The following ACTR5 variants were observed in gnomAD, a reference collection of about 807,000 sequenced individuals.
ACTR5 encodes the protein actin related protein 5.
A neutral mutation model predicts 61.2 loss-of-function variants in ACTR5; 43 were observed. The ratio of observed to expected loss-of-function variants is 0.70; its 90% CI spans 0.55 to 0.91. The LOEUF (loss-of-function observed/expected upper bound fraction) is 0.91, where lower values mean the gene tolerates loss of function less well. Ranked by LOEUF, ACTR5 falls within the 40% of genes least tolerant of loss-of-function variation. The pLI, the probability that ACTR5 is intolerant of heterozygous loss-of-function variation, is 0.00. For missense variants in ACTR5, 798 were observed against 782.2 expected (o/e 1.02, Z -0.24); for synonymous variants, 333 against 310.5 (o/e 1.07, Z -0.76).
chr20:38,764,027 G>T (rs988302813), intron 5 of ACTR5, among the ~76,000 whole-genome samples: 11 of 152,144 alleles, frequency 7.2e-5, no homozygotes, highest in Admixed American at 3.3e-4. Context: ...CACCCATCTT[G>T]CATGCCATAT....
chr20:38,749,244 G>A (rs1472374379), intron 1 of ACTR5, among the ~76,000 whole-genome samples: 2 of 152,188 alleles, frequency 1.3e-5, no homozygotes, highest in African/African-American at 2.4e-5. Flanking sequence ...TAGATTCTAC[G>A]CCGTGATAGG....
At chr20:38,756,229 G>A (rs928073210) in intron 5 of ACTR5, among the ~76,000 whole-genome samples, 190 bp downstream of exon 5, 2 of 152,172 alleles carry the variant, frequency 1.3e-5, no homozygotes, top group African/African-American at 2.4e-5. Context: ...GTAGATCCCC[G>A]GACCCCTGAG....
intron 7 of ACTR5, 70 bp from the exon 8 acceptor site, chr20:38,767,394 C>A (rs1199187876): frequency 3.7e-6 from 5 of 1,347,254 alleles, no homozygotes; most frequent in Non-Finnish European, 5.0e-6. Flanking sequence ...TGAGAGCTTA[C>A]ATTTCTGCAT....
intron 6 of ACTR5, among the ~76,000 whole-genome samples, chr20:38,765,773 T>C (rs779486882): frequency 9.2e-5 from 14 of 152,232 alleles, no homozygotes; most frequent in Non-Finnish European, 1.9e-4. Flanking sequence ...ACTTGAGATC[T>C]GAATACTGGC....
At chr20:38,759,193 T>C (rs1039373962) in intron 5 of ACTR5, among the ~76,000 whole-genome samples, 18 of 152,236 alleles carry the variant, frequency 1.2e-4, no homozygotes, top group African/African-American at 4.3e-4. Context: ...CCGGCTTTAC[T>C]AGCCAAGATC....
At chr20:38,769,839 G>A (rs973915496) in intron 8 of ACTR5, among the ~76,000 whole-genome samples, 41 of 152,204 alleles carry the variant, frequency 2.7e-4, no homozygotes, top group African/African-American at 9.2e-4. Flanking sequence ...TGGAGGAAGA[G>A]GAGTGGGGAG....
chr20:38,762,206 C>A (rs1450701720), intron 5 of ACTR5, among the ~76,000 whole-genome samples: 1 of 152,138 alleles, frequency 6.6e-6, no homozygotes, highest in Non-Finnish European at 1.5e-5. Context: ...GCTGGGAGGA[C>A]TCAAGGTCTG....
At chr20:38,750,606 G>GT (rs11478491) in intron 2 of ACTR5, among the ~76,000 whole-genome samples, 12 of 140,412 alleles carry the variant, frequency 8.5e-5, no homozygotes, top group African/African-American at 3.2e-4. Context: ...AGTTTTTTTT[G>GT]TTTTTTTTTT....
At chr20:38,748,934 A>G in intron 1 of ACTR5, 81 bp downstream of exon 1, 2 of 1,497,376 alleles carry the variant, frequency 1.3e-6, no homozygotes, top group Non-Finnish European at 1.8e-6. Flanking sequence ...GCTCTCGGAG[A>G]GGTAACAGTC....
chr20:38,768,992 G>A (rs1471737189), intron 8 of ACTR5, among the ~76,000 whole-genome samples: 2 of 152,168 alleles, frequency 1.3e-5, no homozygotes, highest in Non-Finnish European at 2.9e-5. Flanking sequence ...CAGCTTCCCA[G>A]CCTCTAGGAG....
rs760472700 is a variant in ACTR5 at position 38,754,917 on chromosome 20, G to T, written c.776-40G>T. The stretch of plus-strand genomic sequence containing the variant: ...ATTGACTTTAATTGTTGTGTTAATA[G>T]TGTTTCCATTTCATAACTTTCAAAA... On this transcript the variant is annotated intron_variant, in intron 3 of 8. Coordinates refer to ENST00000243903, the MANE Select transcript of ACTR5 (RefSeq NM_024855.4). 3.1e-6 allele frequency: 5 copies of T among 1,600,564 alleles called. No individual in the cohort carries two copies. In the South Asian group the frequency reaches 5.5e-5, roughly 18 times the overall value.
intron 5 of ACTR5, 59 bp downstream of exon 5, chr20:38,756,098 C>T (rs971002673): frequency 8.4e-5 from 127 of 1,511,640 alleles, no homozygotes; most frequent in Admixed American, 2.3e-5. Context: ...CCTGAGAGGC[C>T]TGACATCAAA....
chr20:38,763,658 T>G (rs2084468211), intron 5 of ACTR5, among the ~76,000 whole-genome samples: 1 of 152,258 alleles, frequency 6.6e-6, no homozygotes, highest in Non-Finnish European at 1.5e-5. Flanking sequence ...ACTAGTGTGA[T>G]GTGATCTTGG....
intron 2 of ACTR5, among the ~76,000 whole-genome samples, chr20:38,750,496 C>T (rs1357892995): frequency 1.3e-5 from 2 of 152,144 alleles, no homozygotes; most frequent in African/African-American, 4.8e-5. Flanking sequence ...TATTATAATT[C>T]TGACATAATG....
chr20:38,769,594 C>T (rs920775626), intron 8 of ACTR5, among the ~76,000 whole-genome samples: 2 of 152,052 alleles, frequency 1.3e-5, no homozygotes, highest in Non-Finnish European at 2.9e-5. Context: ...TAGTACGTTC[C>T]ATTTCCAGGG....
chr20:38,762,971 T>A (rs2084463716), intron 5 of ACTR5, among the ~76,000 whole-genome samples: 1 of 152,182 alleles, frequency 6.6e-6, no homozygotes, highest in Non-Finnish European at 1.5e-5. Context: ...GAGTGTGTGT[T>A]TAAAAGGGAA....
At position 38,771,677 on chromosome 20, in the gene ACTR5, G is replaced by A. The variant is rs1487873270; in HGVS notation, c.1685G>A (p.Gly562Glu). ...AGGAAAGAGTATGAAGAAAAGGGAG[G>A]AGAGTACCTCAAGGAGCACTGTGCT... ...ITRKEYEEKG[G>E]EYLKEHCASN... Residue 562 changes from glycine to glutamate, a missense_variant, in exon 9 of 9, where the codon GGA (glycine) becomes GAA (glutamate). Transcript: ENST00000243903. 5 of 1,614,064 alleles carry A rather than the reference G, an allele frequency of 3.1e-6. No homozygotes were observed. Among genetic ancestry groups the A allele is most frequent in the Non-Finnish European group, 2.5e-6 (3 of 1,180,050 alleles).
chr20:38,750,927 A>G (rs1023163605), intron 2 of ACTR5, among the ~76,000 whole-genome samples: 1 of 152,198 alleles, frequency 6.6e-6, no homozygotes, highest in Non-Finnish European at 1.5e-5. Context: ...CACCGCGCCC[A>G]GCCAATTTCA....
In ACTR5 at chr20:38,750,134, G is replaced by GC; in HGVS notation, c.502dup (p.Leu168ProfsTer8). ...CCCAAGGTTGCCTATGGAATAGACA[G>GC]CCTCTTCAGCTTCTACCACAATAAG... On this transcript the variant is annotated frameshift_variant, in exon 2 of 9. Coordinates refer to ENST00000243903, the MANE Select transcript of ACTR5 (RefSeq NM_024855.4). LOFTEE classifies it high-confidence loss of function. The GC allele has an allele frequency of 6.2e-7, 1 of 1,614,156 alleles. No homozygotes were observed. The highest frequency in any genetic ancestry group is 8.5e-7 in the Non-Finnish European group (1 of 1,179,996).
Sources: gnomAD v4.1 joint callset for allele counts (sites outside exome capture counted in the v4.1 genomes callset) on GRCh38, gnomAD v4.1.1 for gene constraint, MANE v1.5 for transcripts, NCBI Gene and HGNC (gene_info 2026-07-23, HGNC 2026-07-21) for gene names.